KCNK9: variants seen among roughly 807,000 people sequenced by gnomAD.
KCNK9 encodes potassium channel subfamily K member 9.
KCNK9 carries 1 observed loss-of-function variant against 10.8 expected under a neutral mutation model. That is an observed-to-expected ratio of 0.09 (90% confidence interval 0.03 to 0.44). KCNK9 has a LOEUF of 0.44. Ranked by LOEUF, KCNK9 falls within the 20% of genes least tolerant of loss-of-function variation. The probability of loss-of-function intolerance (pLI) is 0.97; values close to 1 mark genes in which losing one functional copy is unlikely to be tolerated. For synonymous variants in KCNK9, 231 were observed against 222.7 expected (o/e 1.04, Z -0.33); for missense variants, 303 against 515.0 (o/e 0.59, Z 3.98).
chr8:139,617,007 C>A (rs1422573821), downstream of KCNK9: 1 of 152,142 alleles, frequency 6.6e-6, no homozygotes, highest in Non-Finnish European at 1.5e-5. Context: ...AAAATTTTCC[C>A]CTGAGATTGG....
intron 1 of KCNK9, among the ~76,000 whole-genome samples, chr8:139,699,390 T>C (rs1817142774): frequency 6.6e-6 from 1 of 152,086 alleles, no homozygotes. Flanking sequence ...CACTCCTGAC[T>C]TTCACCACTT....
At chr8:139,605,149 C>T (rs565895108) in intron 2 of KCNK9, among the ~76,000 whole-genome samples, 1 of 152,352 alleles carries the variant, frequency 6.6e-6, no homozygotes, top group South Asian at 2.1e-4. Flanking sequence ...CTCGTTTTCC[C>T]TTCTTGTGTC....
Position 139,620,319 on chromosome 8 carries a change from C to T in KCNK9, c.284-1220G>A, listed in dbSNP as rs147428028. On this transcript the variant is annotated intron_variant, in intron 1 of 1. Coordinates refer to ENST00000520439, the MANE Select transcript of KCNK9 (RefSeq NM_001282534.2). The stretch of plus-strand genomic sequence containing the variant: ...CAAGATAGATTTCCCTGATGGGACC[C>T]TGTCACATGTTCATGGTCACTTAGC... Among the ~76,000 whole-genome samples the T allele has an allele frequency of 1.7e-3, 258 of 152,336 alleles. 3 individuals carry two copies. The highest frequency in any genetic ancestry group is 5.9e-3 in the African/African-American group (245 of 41,570).
exon 3 of KCNK9, chr8:139,601,154 T>C (rs1432518865): frequency 6.6e-6 from 1 of 152,238 alleles, no homozygotes; most frequent in Non-Finnish European, 1.5e-5. Flanking sequence ...CTGAGTCTGT[T>C]TATGAACGCG....
At position 139,687,425 on chromosome 8, in the gene KCNK9, CAT is replaced by C. The variant is rs1323037256; in HGVS notation, c.283+15283_283+15284del. Among the ~76,000 whole-genome samples, 60 of 137,304 alleles carry C rather than the reference CAT, an allele frequency of 4.4e-4. 7 individuals are homozygous for C. The highest frequency in any genetic ancestry group is 1.6e-3 in the African/African-American group (56 of 34,428). 90.1% of individuals were successfully genotyped at this position (137,304 alleles called of 152,430 possible). On this transcript the variant is annotated intron_variant, in intron 1 of 1. Transcript: ENST00000520439. ...ACATATATATTCATATATGTGTATA[CAT>C]ATATATTCATATATATGTATACACA...
chr8:139,665,410 T>C (rs1344403612), intron 1 of KCNK9, among the ~76,000 whole-genome samples: 1 of 152,178 alleles, frequency 6.6e-6, no homozygotes, highest in Non-Finnish European at 1.5e-5. Flanking sequence ...TGATATCACA[T>C]TGGGCCCACC....
chr8:139,700,528 ACACACACACACGCGCG>A (rs1267879347), intron 1 of KCNK9, among the ~76,000 whole-genome samples: 70 of 124,314 alleles, frequency 5.6e-4, no homozygotes, highest in East Asian at 3.2e-3. Context: ...GCGCACACAC[ACACACACACACGCGCG>A]CACACACACA....
chr8:139,604,732 G>A (rs577922048), intron 2 of KCNK9, among the ~76,000 whole-genome samples: 12 of 152,250 alleles, frequency 7.9e-5, no homozygotes, highest in Admixed American at 7.2e-4. Context: ...TTCTTACCAG[G>A]GCTCACGCCC....
intron 1 of KCNK9, among the ~76,000 whole-genome samples, chr8:139,676,417 T>A (rs1396748750): frequency 4.6e-5 from 7 of 152,198 alleles, no homozygotes; most frequent in Admixed American, 2.6e-4. Context: ...TATTTCTGTT[T>A]CCCAGCTGGG....
chr8:139,644,278 C>A (rs988581781), intron 1 of KCNK9, among the ~76,000 whole-genome samples: 2 of 152,214 alleles, frequency 1.3e-5, no homozygotes, highest in East Asian at 3.8e-4. Flanking sequence ...CATCCTGTCT[C>A]GGCAGCCATG....
downstream of KCNK9, chr8:139,616,671 G>C (rs1043857708): frequency 2.6e-5 from 4 of 152,182 alleles, no homozygotes; most frequent in African/African-American, 9.7e-5. Context: ...GGGGCCTTGA[G>C]ACAGGCCAGT....
downstream of KCNK9, among the ~76,000 whole-genome samples, chr8:139,607,893 T>G (rs1814280603): frequency 6.6e-6 from 1 of 152,170 alleles, no homozygotes; most frequent in African/African-American, 2.4e-5. Flanking sequence ...CTTTTCATCT[T>G]TTGTAGGAAA....
intron 1 of KCNK9, among the ~76,000 whole-genome samples, chr8:139,628,543 G>A (rs535682442): frequency 6.6e-6 from 1 of 152,144 alleles, no homozygotes; most frequent in Non-Finnish European, 1.5e-5. Flanking sequence ...ATTGACCCAC[G>A]CTCCAGGATT....
intron 1 of KCNK9, among the ~76,000 whole-genome samples, chr8:139,676,444 C>T (rs1444985711): frequency 1.3e-5 from 2 of 152,182 alleles, no homozygotes; most frequent in African/African-American, 2.4e-5. Flanking sequence ...ACAGTGCAGG[C>T]ACTCATAAAT....
intron 1 of KCNK9, among the ~76,000 whole-genome samples, chr8:139,663,676 T>TGTGC (rs1193259129): frequency 6.6e-6 from 1 of 151,124 alleles, no homozygotes; most frequent in Non-Finnish European, 1.5e-5. Flanking sequence ...TGTGTGTGTG[T>TGTGC]GTGTGTTAGA....
At chr8:139,638,133 G>A (rs186907531) in intron 1 of KCNK9, among the ~76,000 whole-genome samples, 1 of 151,910 alleles carries the variant, frequency 6.6e-6, no homozygotes, top group African/African-American at 2.4e-5. Context: ...AGCAGACAAG[G>A]CAGAACGAGG....
chr8:139,616,395 T>G (rs1814591407), downstream of KCNK9: 1 of 152,206 alleles, frequency 6.6e-6, no homozygotes, highest in Non-Finnish European at 1.5e-5. Flanking sequence ...CCTTGAAGGT[T>G]GAGAACTGTC....
At position 139,618,242 on chromosome 8, in the gene KCNK9, ATT is replaced by A; in HGVS notation, c.*14_*15del. 2 of 1,614,052 alleles carry A rather than the reference ATT, an allele frequency of 1.2e-6. No homozygotes were observed. Among genetic ancestry groups the A allele is most frequent in the Non-Finnish European group, 1.7e-6 (2 of 1,180,020 alleles). On this transcript the variant is annotated 3_prime_UTR_variant, in exon 2 of 2. Coordinates refer to ENST00000520439, the MANE Select transcript of KCNK9 (RefSeq NM_001282534.2). This position sits in a 1 kb window ranked among gnomAD's most constrained non-coding sequence, Gnocchi z 7.9. ...CTATGACAAATGACTTTTCTGTCCC[ATT>A]TCCCTCCCCACACCTAAACGGACTT... is the stretch of plus-strand genomic sequence containing the variant.
intron 1 of KCNK9, among the ~76,000 whole-genome samples, chr8:139,698,084 T>G (rs1817108273): frequency 6.6e-6 from 1 of 152,200 alleles, no homozygotes; most frequent in Admixed American, 6.5e-5. Context: ...GATGGACTAC[T>G]CCAGGAGCCC....
Sources: allele counts gnomAD v4.1 joint callset (sites outside exome capture counted in the v4.1 genomes callset), GRCh38; gene constraint gnomAD v4.1.1; non-coding constraint Gnocchi (gnomAD v3.1); transcripts MANE v1.5; gene names NCBI Gene and HGNC (gene_info 2026-07-23, HGNC 2026-07-21).